The following CDKL4 variants were observed in gnomAD, a reference collection of about 807,000 sequenced individuals.
CDKL4 encodes cyclin dependent kinase like 4.
Under a neutral mutation model 42.0 loss-of-function variants are expected in CDKL4, and 44 were observed. The observed-to-expected ratio is 1.05, with a 90% CI of 0.82 to 1.35. The LOEUF is 1.35. CDKL4 is among the 40% of genes most tolerant of loss of function. CDKL4 has a pLI of 0.00. For missense variants in CDKL4, 393 were observed against 369.9 expected (o/e 1.06, Z -0.51); for synonymous variants, 120 against 121.6 (o/e 0.99, Z 0.09).
In CDKL4 at chr2:39,207,828, G is replaced by T. The variant is rs565124723; in HGVS notation, c.364-3211C>A. On this transcript the variant is annotated intron_variant, in intron 4 of 9. Transcript: ENST00000451199. ...AAAAACAATTGGAACCTGGCTGGGC[G>T]TGGTGGCTCATGCCTGTAACCCCAG... is the stretch of plus-strand genomic sequence containing the variant. 3.3e-5 allele frequency among the ~76,000 whole-genome samples: 5 copies of T among 152,286 alleles called. No homozygotes were observed. The South Asian group carries it at 1.0e-3, about 32-fold the overall frequency.
intron 5 of CDKL4, among the ~76,000 whole-genome samples, chr2:39,191,404 A>G (rs2148305035): frequency 6.6e-6 from 1 of 152,180 alleles, no homozygotes; most frequent in Non-Finnish European, 1.5e-5. Context: ...ACACATATAC[A>G]AAAAAAGAAG....
intron 9 of CDKL4, chr2:39,178,838 G>T: frequency 6.6e-7 from 1 of 1,515,762 alleles, no homozygotes; most frequent in Non-Finnish European, 8.8e-7. Context: ...GGATTCCTTT[G>T]CAATGCTGGC....
At chr2:39,171,093 G>C (rs1243205037), downstream of CDKL4, among the ~76,000 whole-genome samples, 2 of 152,186 alleles carry the variant, frequency 1.3e-5, no homozygotes, top group East Asian at 3.9e-4. Context: ...ACAAAGATTA[G>C]CTGGGCGTGG....
chr2:39,188,742 T>C (rs765489218), intron 6 of CDKL4, among the ~76,000 whole-genome samples: 2 of 151,986 alleles, frequency 1.3e-5, no homozygotes, highest in Non-Finnish European at 2.9e-5. Context: ...AAAACTGGAG[T>C]GCAGTGGCAT....
At chr2:39,244,444 G>A (rs1285281474), upstream of CDKL4, among the ~76,000 whole-genome samples, 1 of 152,248 alleles carries the variant, frequency 6.6e-6, no homozygotes, top group Non-Finnish European at 1.5e-5. Context: ...AGGTGTAATG[G>A]GTCCCCCAGC....
At chr2:39,168,696 T>C in the CDKL4 span, among the ~76,000 whole-genome samples, 5 of 146,154 alleles carry the variant, frequency 3.4e-5, no homozygotes, top group African/African-American at 9.9e-5. Flanking sequence ...GATAGCGCCA[T>C]TGAAACTCCA....
chr2:39,218,995 C>G (rs1246745742), intron 3 of CDKL4, among the ~76,000 whole-genome samples: 1 of 152,180 alleles, frequency 6.6e-6, no homozygotes, highest in African/African-American at 2.4e-5. Context: ...CCACACTGTG[C>G]TTTATTTTTC....
chr2:39,198,155 C>T (rs1028777207), intron 5 of CDKL4, among the ~76,000 whole-genome samples: 4 of 151,604 alleles, frequency 2.6e-5, no homozygotes, highest in Admixed American at 2.6e-4. Flanking sequence ...GTATTCCATG[C>T]CAGTGGACAC....
intron 4 of CDKL4, among the ~76,000 whole-genome samples, chr2:39,205,223 A>T (rs1677090586): frequency 2.0e-5 from 3 of 152,182 alleles, no homozygotes; most frequent in Admixed American, 2.0e-4. Context: ...AGAGAGTAAC[A>T]TACAATTATT....
At chr2:39,225,713 G>GGGTA (rs1413701397) in intron 3 of CDKL4, 126 bp downstream of exon 3, 4 of 867,372 alleles carry the variant, frequency 4.6e-6, no homozygotes, top group Non-Finnish European at 6.8e-6. Context: ...AGACTGGATG[G>GGGTA]GGTAGCCAGA....
intron 2 of CDKL4, among the ~76,000 whole-genome samples, chr2:39,227,711 T>C (rs1208781078): frequency 6.6e-6 from 1 of 152,204 alleles, no homozygotes; most frequent in Non-Finnish European, 1.5e-5. Context: ...AACCACAGTA[T>C]GGAAGCAAAG....
At position 39,203,949 on chromosome 2, in the gene CDKL4, C is replaced by T. The variant is rs866712390; in HGVS notation, c.454+578G>A. The stretch of plus-strand genomic sequence containing the variant: ...ACCGATTATGTCCACACCCAGACTG[C>T]GAGGTGTATGTTGCTAATACATATA... On this transcript the variant is annotated intron_variant, in intron 5 of 9. Coordinates refer to ENST00000451199, the Ensembl canonical transcript of CDKL4. 4.6e-5 allele frequency among the ~76,000 whole-genome samples: 7 copies of T among 152,234 alleles called. No individual in the cohort carries two copies. In the Middle Eastern group the frequency reaches 0.01, roughly 222 times the overall value.
intron 9 of CDKL4, 108 bp downstream of exon 9, chr2:39,179,079 G>C (rs1675291425): frequency 6.6e-7 from 1 of 1,523,444 alleles, no homozygotes. Context: ...AACTACACCA[G>C]TACAAATGAA....
At chr2:39,172,490 C>T (rs1329615930), downstream of CDKL4, among the ~76,000 whole-genome samples, 1 of 152,134 alleles carries the variant, frequency 6.6e-6, no homozygotes, top group Non-Finnish European at 1.5e-5. Context: ...AGACTGGGGA[C>T]CCTGGGCAAC....
chr2:39,184,642 A>C (rs772100689), exon 8 of CDKL4: 1 of 1,610,276 alleles, frequency 6.2e-7, no homozygotes, highest in African/African-American at 1.3e-5. Flanking sequence ...TTTCCTCAAG[A>C]GTTTCCTGAA....
At chr2:39,213,015 T>C (rs1030898691) in intron 4 of CDKL4, among the ~76,000 whole-genome samples, 4 of 152,220 alleles carry the variant, frequency 2.6e-5, no homozygotes, top group Non-Finnish European at 5.9e-5. Context: ...ACTGGCACTA[T>C]GGCAAAAGGA....
chr2:39,189,512 AAAG>A (rs1305619688), intron 6 of CDKL4, among the ~76,000 whole-genome samples: 8 of 152,240 alleles, frequency 5.3e-5, no homozygotes, highest in Admixed American at 2.0e-4. Flanking sequence ...AGTACTATAC[AAAG>A]AAGATGTGTT....
exon 2 of CDKL4, chr2:39,229,523 A>G: frequency 1.2e-6 from 2 of 1,603,572 alleles, no homozygotes; most frequent in Non-Finnish European, 1.7e-6. Context: ...AATTTTTCAT[A>G]CTTTTCCATT....
intron 3 of CDKL4, among the ~76,000 whole-genome samples, chr2:39,218,524 T>C (rs895031995): frequency 6.6e-6 from 1 of 152,160 alleles, no homozygotes; most frequent in African/African-American, 2.4e-5. Flanking sequence ...CAAAACATCA[T>C]TTGTGGGTGT....
Sources: allele counts gnomAD v4.1 joint callset (sites outside exome capture counted in the v4.1 genomes callset), GRCh38; gene constraint gnomAD v4.1.1; transcripts MANE v1.5; gene names NCBI Gene and HGNC (gene_info 2026-07-23, HGNC 2026-07-21).